CNTNAP5: variants seen among roughly 807,000 people sequenced by gnomAD.
CNTNAP5 encodes the protein contactin-associated protein-like 5.
CNTNAP5 carries 72 observed loss-of-function variants against 150.2 expected under a neutral mutation model. The observed-to-expected ratio is 0.48, with a 90% CI of 0.40 to 0.58. The LOEUF (loss-of-function observed/expected upper bound fraction) is 0.58, where lower values mean the gene tolerates loss of function less well. CNTNAP5 is among the 20% of genes least tolerant of loss of function. The pLI, the probability that CNTNAP5 is intolerant of heterozygous loss-of-function variation, is 0.00. For missense variants in CNTNAP5, 1,636 were observed against 1,626.2 expected, an observed-to-expected ratio of 1.01 and a Z score of -0.10; for synonymous variants, 672 against 619.8, an observed-to-expected ratio of 1.08 and a Z score of -1.25.
At chr2:124,843,469 A>C (rs1463595525) in intron 19 of CNTNAP5, among the ~76,000 whole-genome samples, 1 of 152,156 alleles carries the variant, frequency 6.6e-6, no homozygotes, top group Non-Finnish European at 1.5e-5. Flanking sequence ...TTTTGCTGCT[A>C]TAAACATGCA....
At chr2:124,051,042 C>T (rs774813967) in intron 1 of CNTNAP5, among the ~76,000 whole-genome samples, 13 of 152,030 alleles carry the variant, frequency 8.6e-5, no homozygotes, top group African/African-American at 2.4e-4. Context: ...TTCAATCATT[C>T]GGTTAATCTA....
rs201470931 is a variant in CNTNAP5 at position 124,917,117 on chromosome 2, A to AT, written c.*2839dup. On this transcript the variant is annotated 3_prime_UTR_variant, in exon 24 of 24. Transcript: ENST00000682447. ...AAAGCATCTTAATCTCTCTTTAACC[A>AT]TTTTTTTTTTCTTTTTCCTACCACA... 1.0e-3 allele frequency among the ~76,000 whole-genome samples: 155 copies of AT among 148,134 alleles called. No individual in the cohort carries two copies. Among genetic ancestry groups the AT allele is most frequent in the Non-Finnish European group, 1.6e-3 (108 of 66,858 alleles).
Position 124,707,164 on chromosome 2 carries a change from A to G in CNTNAP5, c.2078-40065A>G, listed in dbSNP as rs868217064. Among the ~76,000 whole-genome samples the G allele has an allele frequency of 3.2e-3, 444 of 139,840 alleles. 25 individuals carry two copies. Among genetic ancestry groups the G allele is most frequent in the African/African-American group, 0.01 (393 of 38,934 alleles). 91.7% of individuals were successfully genotyped at this position (139,840 alleles called of 152,430 possible). The stretch of plus-strand genomic sequence containing the variant: ...AGGAAGAAGAAGAAGAAGAAGAAGA[A>G]GAAGAAGAAGAAGAAGAAGAAGAAG... On this transcript the variant is annotated intron_variant, in intron 13 of 23. Coordinates refer to ENST00000682447, the MANE Select transcript of CNTNAP5 (RefSeq NM_001367498.1).
At chr2:124,691,167 T>C (rs1679293135) in intron 13 of CNTNAP5, among the ~76,000 whole-genome samples, 1 of 152,102 alleles carries the variant, frequency 6.6e-6, no homozygotes, top group Non-Finnish European at 1.5e-5. Flanking sequence ...AGCCTGTCTG[T>C]TGGCTTTTCA....
At chr2:124,773,945 TGTGA>T (rs1243482653) in intron 17 of CNTNAP5, among the ~76,000 whole-genome samples, 3,304 of 106,140 alleles carry the variant, frequency 0.031, 48 homozygotes, top group African/African-American at 0.06. Flanking sequence ...TGTGTGTGTG[TGTGA>T]GAGAGAGAGA....
At chr2:124,588,173 CTTCCTTCT>C (rs1429778023) in intron 11 of CNTNAP5, among the ~76,000 whole-genome samples, 54 of 92,572 alleles carry the variant, frequency 5.8e-4, no homozygotes, top group African/African-American at 1.8e-3. Context: ...TCCTTCCTTC[CTTCCTTCT>C]TTCTTTCTTT....
intron 13 of CNTNAP5, among the ~76,000 whole-genome samples, chr2:124,654,768 C>T (rs72845035): frequency 0.028 from 4,300 of 151,996 alleles, 84 homozygotes; most frequent in Non-Finnish European, 0.047. Context: ...TCTTTCTTAA[C>T]CACCCCCCGC....
chr2:124,633,122 C>T (rs1047780590), intron 12 of CNTNAP5, among the ~76,000 whole-genome samples: 1 of 152,088 alleles, frequency 6.6e-6, no homozygotes, highest in Non-Finnish European at 1.5e-5. Context: ...CCTCTAGCCC[C>T]TCCAAATCTC....
At chr2:124,378,975 C>G (rs1207108020) in intron 3 of CNTNAP5, among the ~76,000 whole-genome samples, 1 of 151,904 alleles carries the variant, frequency 6.6e-6, no homozygotes, top group Non-Finnish European at 1.5e-5. Flanking sequence ...ATCTTTTTTT[C>G]TAATATTTTC....
intron 1 of CNTNAP5, among the ~76,000 whole-genome samples, chr2:124,150,439 G>C (rs72845524): frequency 0.09 from 13,732 of 152,222 alleles, 898 homozygotes; most frequent in Admixed American, 0.21. Context: ...ATAATTTAGA[G>C]ATATTGGATA....
chr2:124,412,510 T>C (rs1330711776), intron 3 of CNTNAP5, among the ~76,000 whole-genome samples: 1 of 151,832 alleles, frequency 6.6e-6, no homozygotes, highest in African/African-American at 2.4e-5. Flanking sequence ...CAAAATAGCA[T>C]GGTACTGGTA....
chr2:124,218,528 G>T (rs760979367), intron 1 of CNTNAP5, among the ~76,000 whole-genome samples: 4 of 152,126 alleles, frequency 2.6e-5, no homozygotes, highest in Non-Finnish European at 5.9e-5. Flanking sequence ...AATGCATAGG[G>T]TCTATGAGGA....
At chr2:124,581,909 C>T (rs536400953) in intron 11 of CNTNAP5, among the ~76,000 whole-genome samples, 4 of 152,304 alleles carry the variant, frequency 2.6e-5, no homozygotes, top group African/African-American at 7.2e-5. Context: ...CTCAGGGAAC[C>T]TATTCTCAAG....
intron 7 of CNTNAP5, among the ~76,000 whole-genome samples, chr2:124,495,720 T>C (rs1220052573): frequency 1.3e-5 from 2 of 152,244 alleles, no homozygotes; most frequent in Non-Finnish European, 2.9e-5. Context: ...TGCCACTTGT[T>C]TAGTTTCACT....
chr2:124,914,540 C>A lies in CNTNAP5; in HGVS notation c.*252C>A. 2.2e-6 allele frequency: 1 copy of A among 450,464 alleles called. No homozygotes were observed. Among genetic ancestry groups the A allele is most frequent in the Non-Finnish European group, 4.0e-6 (1 of 246,976 alleles). The allele number at this position is 450,464 out of a possible 1,614,324, so 27.9% of individuals were successfully genotyped here. A position where few individuals can be genotyped will look rare whatever the true frequency, so the allele number is the denominator to read the frequency against. ...CACTCAAGAGACTGACTTCGCCATT[C>A]AAGACAAGGAAGAGACACATGTGTG... is the stretch of plus-strand genomic sequence containing the variant. On this transcript the variant is annotated 3_prime_UTR_variant, in exon 24 of 24. Transcript: ENST00000682447.
intron 3 of CNTNAP5, among the ~76,000 whole-genome samples, chr2:124,366,273 C>T (rs868205871): frequency 6.6e-6 from 1 of 152,262 alleles, no homozygotes; most frequent in Middle Eastern, 3.4e-3. Flanking sequence ...ACCAGGGTAC[C>T]CAGCACCTTA....
intron 13 of CNTNAP5, among the ~76,000 whole-genome samples, chr2:124,734,636 A>T (rs1021073834): frequency 1.3e-5 from 2 of 151,976 alleles, no homozygotes; most frequent in African/African-American, 4.8e-5. Flanking sequence ...TTTAATTCTA[A>T]TAAGAATAAC....
At chr2:124,876,333 G>T (rs1274853427) in intron 21 of CNTNAP5, among the ~76,000 whole-genome samples, 1 of 151,724 alleles carries the variant, frequency 6.6e-6, no homozygotes, top group Non-Finnish European at 1.5e-5. Context: ...TAATTGCATG[G>T]GTTGAAAACA....
At chr2:124,610,323 T>G (rs1202867550) in intron 12 of CNTNAP5, among the ~76,000 whole-genome samples, 1 of 152,134 alleles carries the variant, frequency 6.6e-6, no homozygotes, top group East Asian at 1.9e-4. Flanking sequence ...CCCCAAGGGA[T>G]GCATGACCCT....
Sources: allele counts gnomAD v4.1 joint callset (sites outside exome capture counted in the v4.1 genomes callset), GRCh38; gene constraint gnomAD v4.1.1; transcripts MANE v1.5; gene names NCBI Gene and HGNC (gene_info 2026-07-23, HGNC 2026-07-21).